Variants in AKAP6 observed in about 807,000 individuals in gnomAD.
AKAP6 encodes the protein A-kinase anchoring protein 6, also known as A-kinase anchor protein 6.
AKAP6 carries 58 observed loss-of-function variants against 188.5 expected under a neutral mutation model. The observed-to-expected ratio is 0.31, with a 90% confidence interval of 0.25 to 0.38. The LOEUF (loss-of-function observed/expected upper bound fraction) is 0.38. AKAP6 is among the 10% of genes least tolerant of loss of function. AKAP6 has a pLI of 1.00. For missense variants in AKAP6, 2,710 were observed against 2,740.0 expected (o/e 0.99, Z 0.24); for synonymous variants, 989 against 998.6 (o/e 0.99, Z 0.18).
intron 1 of AKAP6, among the ~76,000 whole-genome samples, chr14:32,379,380 G>A (rs1888270208): frequency 6.6e-6 from 1 of 152,116 alleles, no homozygotes; most frequent in African/African-American, 2.4e-5. Context: ...CAGGTTCTCT[G>A]TTTCTATTCT....
intron 12 of AKAP6, among the ~76,000 whole-genome samples, chr14:32,783,475 A>G (rs900446102): frequency 6.6e-6 from 1 of 152,110 alleles, no homozygotes; most frequent in Non-Finnish European, 1.5e-5. Context: ...CTTTATTTAA[A>G]TTATACCTCA....
At chr14:32,607,929 A>G (rs1886189691) in intron 7 of AKAP6, among the ~76,000 whole-genome samples, 1 of 152,158 alleles carries the variant, frequency 6.6e-6, no homozygotes, top group Non-Finnish European at 1.5e-5. Flanking sequence ...TCAGAAGGGC[A>G]ACTTTTCTTC....
chr14:32,493,576 T>C (rs1880154394), intron 2 of AKAP6, among the ~76,000 whole-genome samples: 1 of 152,136 alleles, frequency 6.6e-6, no homozygotes, highest in South Asian at 2.1e-4. Context: ...CAAATATTCA[T>C]TGAGTTTTAT....
intron 1 of AKAP6, among the ~76,000 whole-genome samples, chr14:32,337,655 T>C (rs552110808): frequency 1.7e-4 from 26 of 152,186 alleles, no homozygotes; most frequent in African/African-American, 2.2e-4. Context: ...ATGTGCCATG[T>C]TGATGTGCTG....
intron 4 of AKAP6, among the ~76,000 whole-genome samples, chr14:32,559,489 T>G (rs570359162): frequency 9.2e-5 from 14 of 152,342 alleles, no homozygotes; most frequent in Admixed American, 7.8e-4. Context: ...AGTTTGGACT[T>G]TAAGTCACTA....
chr14:32,367,316 T>A (rs1885722), intron 1 of AKAP6, among the ~76,000 whole-genome samples: 2,407 of 152,326 alleles, frequency 0.016, 58 homozygotes, highest in African/African-American at 0.055. Context: ...GAAAGCATGA[T>A]TTAAGAATAT....
chr14:32,708,202 AT>A, intron 9 of AKAP6, among the ~76,000 whole-genome samples: 1 of 152,240 alleles, frequency 6.6e-6, no homozygotes, highest in Non-Finnish European at 1.5e-5. Flanking sequence ...TAGAAGCACA[AT>A]TTGTACTTGT....
At chr14:32,720,853 T>C (rs1594880440) in intron 9 of AKAP6, among the ~76,000 whole-genome samples, 1 of 152,006 alleles carries the variant, frequency 6.6e-6, no homozygotes, top group Non-Finnish European at 1.5e-5. Context: ...CAAGAACCTG[T>C]CTCAAAAAAA....
chr14:32,375,368 G>A (rs936363475), intron 1 of AKAP6, among the ~76,000 whole-genome samples: 1 of 152,098 alleles, frequency 6.6e-6, no homozygotes, highest in Non-Finnish European at 1.5e-5. Flanking sequence ...GACATTTCAG[G>A]TACACATGTT....
At chr14:32,721,748 T>G (rs960899154) in intron 9 of AKAP6, among the ~76,000 whole-genome samples, 3 of 152,234 alleles carry the variant, frequency 2.0e-5, no homozygotes, top group African/African-American at 7.2e-5. Context: ...TGACAGCTTC[T>G]TCTTAACTTG....
chr14:32,833,923 G>A lies in AKAP6; in HGVS notation c.*4118G>A, dbSNP rs1463138612. 6.6e-6 allele frequency: 1 copy of A among 152,024 alleles called. No homozygotes were observed. The highest frequency in any genetic ancestry group is 1.5e-5 in the Non-Finnish European group (1 of 68,006). The allele number at this position is 152,024 out of a possible 1,614,324, so 9.4% of individuals were successfully genotyped here. ...TACTCATCCCTCAGGTTCATTTATT[G>A]TTAATATTTCACCATATTTACTTCA... On this transcript the variant is annotated 3_prime_UTR_variant, in exon 14 of 14. Coordinates refer to ENST00000280979, the MANE Select transcript of AKAP6 (RefSeq NM_004274.5).
At chr14:32,777,522 G>A (rs1199148549) in intron 12 of AKAP6, among the ~76,000 whole-genome samples, 1 of 151,972 alleles carries the variant, frequency 6.6e-6, no homozygotes, top group African/African-American at 2.4e-5. Context: ...TTATAAAGAG[G>A]AAAACTATCA....
chr14:32,734,525 T>G (rs975698749), intron 10 of AKAP6: 2 of 152,174 alleles, frequency 1.3e-5, no homozygotes, highest in African/African-American at 4.8e-5. Flanking sequence ...AGACGGACCA[T>G]TCTCTGAAGT....
At position 32,404,689 on chromosome 14, in the gene AKAP6, G is replaced by GAGATAGAT. The variant is rs201914860; in HGVS notation, c.-34-28766_-34-28765insGATAGATA. Among the ~76,000 whole-genome samples, 10 of 4,944 alleles carry GAGATAGAT rather than the reference G, an allele frequency of 2.0e-3. 1 individual carries two copies. The highest frequency in any genetic ancestry group is 8.8e-3 in the Non-Finnish European group (8 of 912). The allele number at this position is 4,944 out of a possible 152,430, so 3.2% of individuals were successfully genotyped here. A position where few individuals can be genotyped will look rare whatever the true frequency, so the allele number is the denominator to read the frequency against. On this transcript the variant is annotated intron_variant, in intron 1 of 13. Transcript: ENST00000280979. The stretch of plus-strand genomic sequence containing the variant: ...GGAGAGTGGGGTTATGAGGAGTCAG[G>GAGATAGAT]AGATATATATATATATATATATTAG...
intron 11 of AKAP6, among the ~76,000 whole-genome samples, chr14:32,751,531 A>T: frequency 8.3e-6 from 1 of 120,216 alleles, no homozygotes; most frequent in East Asian, 2.3e-4. Flanking sequence ...GAACTTGGTG[A>T]GTCCTAAATG....
chr14:32,655,739 A>G (rs1490071823), intron 7 of AKAP6, among the ~76,000 whole-genome samples: 1 of 152,176 alleles, frequency 6.6e-6, no homozygotes, highest in Non-Finnish European at 1.5e-5. Flanking sequence ...CTGGTGATAA[A>G]TAGACAAATT....
intron 2 of AKAP6, among the ~76,000 whole-genome samples, chr14:32,469,558 A>T (rs1878654405): frequency 6.6e-6 from 1 of 152,204 alleles, no homozygotes; most frequent in African/African-American, 2.4e-5. Flanking sequence ...TGCTGACAAG[A>T]AAAGTACTTG....
intron 2 of AKAP6, among the ~76,000 whole-genome samples, chr14:32,456,077 G>GAT (rs1438294016): frequency 1.3e-5 from 2 of 151,966 alleles, no homozygotes; most frequent in Non-Finnish European, 2.9e-5. Flanking sequence ...GTAAAGGACA[G>GAT]ATATATATGC....
chr14:32,503,512 AC>A (rs1210281839), intron 2 of AKAP6, among the ~76,000 whole-genome samples: 1 of 151,378 alleles, frequency 6.6e-6, no homozygotes, highest in Admixed American at 6.6e-5. Context: ...GTTATATGTA[AC>A]TTACAGGGTT....
Sources: allele counts gnomAD v4.1 joint callset (sites outside exome capture counted in the v4.1 genomes callset), GRCh38; gene constraint gnomAD v4.1.1; transcripts MANE v1.5; gene names NCBI Gene and HGNC (gene_info 2026-07-23, HGNC 2026-07-21).